Variants in BABAM2 observed in about 807,000 individuals in gnomAD.
The protein encoded by BABAM2 is BRISC and BRCA1 A complex member 2.
A neutral mutation model predicts 54.7 loss-of-function variants in BABAM2; 31 were observed. That is an observed-to-expected ratio of 0.57 (90% CI 0.43 to 0.77). The LOEUF is 0.77. BABAM2 is among the 30% of genes least tolerant of loss of function. The pLI is 0.00. For synonymous variants in BABAM2, 167 were observed against 162.9 expected (o/e 1.03, Z -0.19); for missense variants, 364 against 455.8 (o/e 0.80, Z 1.83).
At chr2:27,948,241 GTTTA>G (rs781457011) in intron 3 of BABAM2, among the ~76,000 whole-genome samples, 20 of 150,590 alleles carry the variant, frequency 1.3e-4, no homozygotes, top group Non-Finnish European at 2.4e-4. Flanking sequence ...ATTTCTGATT[GTTTA>G]TTGCTGATAT....
chr2:28,085,091 G>A (rs1239354032), intron 6 of BABAM2, among the ~76,000 whole-genome samples: 4 of 152,048 alleles, frequency 2.6e-5, no homozygotes, highest in African/African-American at 9.7e-5. Context: ...TCTCTATTTT[G>A]TGTATTTTCT....
chr2:28,336,834 T>C (rs540314695), intron 11 of BABAM2, among the ~76,000 whole-genome samples: 3 of 152,396 alleles, frequency 2.0e-5, no homozygotes, highest in South Asian at 4.1e-4. Flanking sequence ...CTCTTTGCCC[T>C]ATGGCACAGG....
At chr2:28,011,721 T>C (rs1273684620) in intron 4 of BABAM2, among the ~76,000 whole-genome samples, 3 of 152,232 alleles carry the variant, frequency 2.0e-5, no homozygotes, top group Non-Finnish European at 4.4e-5. Flanking sequence ...TGGTTGAAAC[T>C]GTTTGCTCTT....
intron 5 of BABAM2, among the ~76,000 whole-genome samples, chr2:28,026,587 G>T (rs924564004): frequency 6.0e-5 from 9 of 150,628 alleles, no homozygotes; most frequent in South Asian, 2.1e-4. Flanking sequence ...TGTTGGTGGG[G>T]AGGAGGCTAG....
At chr2:28,211,221 C>T (rs1679418237) in intron 7 of BABAM2, among the ~76,000 whole-genome samples, 1 of 152,102 alleles carries the variant, frequency 6.6e-6, no homozygotes, top group African/African-American at 2.4e-5. Flanking sequence ...AGATCAACTG[C>T]TGTCTTCATG....
At chr2:28,203,172 C>T (rs1238902501) in intron 7 of BABAM2, among the ~76,000 whole-genome samples, 2 of 152,092 alleles carry the variant, frequency 1.3e-5, no homozygotes, top group African/African-American at 4.8e-5. Context: ...CGAATATGTT[C>T]GGCCTTGTAT....
In BABAM2 at chr2:28,322,465, G is replaced by A. The variant is rs1029177003; in HGVS notation, c.1089-15985G>A. On this transcript the variant is annotated intron_variant, in intron 11 of 11. Transcript: ENST00000379624. This position sits in a 1 kb window ranked among gnomAD's most constrained non-coding sequence, Gnocchi z 4.1. ...GAAGAACCCTGTAACTCTTAGAGGC[G>A]CCTTTGAGCAACGCGCTCTCAAGGT... Among the ~76,000 whole-genome samples the A allele has an allele frequency of 6.6e-6, 1 of 152,232 alleles. No homozygotes were observed. The highest frequency in any genetic ancestry group is 6.5e-5 in the Admixed American group (1 of 15,286).
intron 11 of BABAM2, among the ~76,000 whole-genome samples, chr2:28,315,023 GGAGAGA>G (rs5830067): frequency 7.3e-6 from 1 of 136,200 alleles, no homozygotes; most frequent in African/African-American, 2.8e-5. Flanking sequence ...AAAGAGAGAA[GGAGAGA>G]GAGAGAAGAA....
chr2:28,112,088 T>C (rs998893538), intron 6 of BABAM2, among the ~76,000 whole-genome samples: 1 of 5,340 alleles, frequency 1.9e-4, no homozygotes, highest in East Asian at 3.1e-3. Flanking sequence ...CATTACTCTT[T>C]CTTTCTTTCT....
chr2:28,326,489 C>T (rs1690470092), intron 11 of BABAM2, among the ~76,000 whole-genome samples: 1 of 152,150 alleles, frequency 6.6e-6, no homozygotes, highest in Non-Finnish European at 1.5e-5. Flanking sequence ...CCCCCACACC[C>T]ACCACCTGGC....
At chr2:28,315,970 C>T (rs1449756932) in intron 11 of BABAM2, among the ~76,000 whole-genome samples, 1 of 152,152 alleles carries the variant, frequency 6.6e-6, no homozygotes, top group East Asian at 1.9e-4. Flanking sequence ...TTCACCCCTT[C>T]TTTGCCGCCT....
intron 7 of BABAM2, among the ~76,000 whole-genome samples, chr2:28,219,247 G>C (rs561743596): frequency 1.2e-4 from 18 of 152,320 alleles, no homozygotes; most frequent in African/African-American, 4.3e-4. Flanking sequence ...GTCCTTTGCG[G>C]AGGTCAGTTG....
intron 10 of BABAM2, among the ~76,000 whole-genome samples, chr2:28,269,338 ACT>A (rs1573969160): frequency 6.6e-6 from 1 of 151,930 alleles, no homozygotes; most frequent in African/African-American, 2.4e-5. Flanking sequence ...CTCTGTAGAG[ACT>A]CTGTGCTCTC....
At chr2:28,112,518 C>G (rs1668225836) in intron 6 of BABAM2, among the ~76,000 whole-genome samples, 1 of 151,898 alleles carries the variant, frequency 6.6e-6, no homozygotes, top group Non-Finnish European at 1.5e-5. Flanking sequence ...TCATCCATGT[C>G]CCTGCAAAGG....
chr2:27,911,450 A>G (rs1263016273), intron 2 of BABAM2, among the ~76,000 whole-genome samples: 1 of 152,142 alleles, frequency 6.6e-6, no homozygotes, highest in Non-Finnish European at 1.5e-5. Flanking sequence ...ATTTGAAGGG[A>G]AAGAAGGAAG....
intron 3 of BABAM2, among the ~76,000 whole-genome samples, chr2:27,979,046 G>C (rs79461018): frequency 2.8e-5 from 1 of 36,330 alleles, no homozygotes; most frequent in African/African-American, 1.1e-4. Context: ...TTTTTTTTTT[G>C]AGATGGAGTC....
At chr2:27,908,352 G>A (rs1265375690) in intron 2 of BABAM2, among the ~76,000 whole-genome samples, 1 of 151,960 alleles carries the variant, frequency 6.6e-6, no homozygotes, top group South Asian at 2.1e-4. Context: ...GCTCACTGCA[G>A]CCTCAACCTC....
intron 4 of BABAM2, among the ~76,000 whole-genome samples, chr2:28,004,146 C>G (rs1184868350): frequency 8.8e-6 from 1 of 113,386 alleles, no homozygotes. Flanking sequence ...AAAAAAAAAA[C>G]ACTTAGCCAT....
intron 7 of BABAM2, among the ~76,000 whole-genome samples, chr2:28,153,349 A>G (rs969694790): frequency 5.3e-5 from 8 of 152,216 alleles, no homozygotes; most frequent in Admixed American, 3.9e-4. Flanking sequence ...CACTTTTGCT[A>G]TCTAAAGTCT....
Sources: gnomAD v4.1 joint callset for allele counts (sites outside exome capture counted in the v4.1 genomes callset) on GRCh38, gnomAD v4.1.1 for gene constraint, Gnocchi (gnomAD v3.1) non-coding constraint, MANE v1.5 for transcripts, NCBI Gene and HGNC (gene_info 2026-07-23, HGNC 2026-07-21) for gene names.